The following SLC35F4 variants were observed in gnomAD, a reference collection of about 807,000 sequenced individuals.
The protein encoded by SLC35F4 is solute carrier family 35 member F4, also known as chromosome 14 open reading frame 36.
In SLC35F4, 24 loss-of-function variants were observed where a neutral mutation model predicts 44.2. The ratio of observed to expected loss-of-function variants is 0.54; its 90% CI spans 0.39 to 0.76. SLC35F4 has a LOEUF of 0.76. Among genes scored for constraint, SLC35F4 ranks in the 30% least tolerant of loss-of-function variants. The pLI is 0.00. For missense variants in SLC35F4, 562 were observed against 586.1 expected (o/e 0.96, Z 0.42); for synonymous variants, 238 against 223.6 (o/e 1.06, Z -0.57).
chr14:57,937,605 GAAAAGA>G (rs1566505663), intron 1 of SLC35F4, among the ~76,000 whole-genome samples: 97 of 54,174 alleles, frequency 1.8e-3, no homozygotes, highest in Admixed American at 3.2e-3. Flanking sequence ...GAAAAGAAAA[GAAAAGA>G]AAAGAAAAGA....
intron 1 of SLC35F4, among the ~76,000 whole-genome samples, chr14:57,841,125 C>T (rs1200914569): frequency 6.6e-6 from 1 of 152,122 alleles, no homozygotes; most frequent in East Asian, 1.9e-4. Flanking sequence ...TATCAATTAT[C>T]AGCAACATGT....
intron 1 of SLC35F4, among the ~76,000 whole-genome samples, chr14:57,809,680 A>C (rs556522269): frequency 6.6e-6 from 1 of 152,356 alleles, no homozygotes; most frequent in African/African-American, 2.4e-5. Context: ...TTGATATTTA[A>C]AAATTGTTCA....
At chr14:57,780,433 GGAGAT>G (rs1410057350) in intron 1 of SLC35F4, among the ~76,000 whole-genome samples, 1 of 151,590 alleles carries the variant, frequency 6.6e-6, no homozygotes, top group Non-Finnish European at 1.5e-5. Flanking sequence ...AAAAAAAATC[GGAGAT>G]GACACAAACA....
chr14:57,721,869 C>T (rs1049166610), intron 1 of SLC35F4, among the ~76,000 whole-genome samples: 12 of 152,172 alleles, frequency 7.9e-5, no homozygotes, highest in African/African-American at 2.7e-4. Flanking sequence ...AACCCTGTGT[C>T]TCCTGAGGCA....
chr14:57,629,826 G>A, intron 1 of SLC35F4: 1 of 335,612 alleles, frequency 3.0e-6, no homozygotes. Context: ...AGAAGTGGGA[G>A]TGGAGGATCG....
chr14:57,579,700 T>C (rs1434414551), intron 4 of SLC35F4, among the ~76,000 whole-genome samples: 1 of 152,180 alleles, frequency 6.6e-6, no homozygotes, highest in African/African-American at 2.4e-5. Context: ...TATCCTCAAA[T>C]ATCAATCGAA....
intron 1 of SLC35F4, among the ~76,000 whole-genome samples, chr14:57,919,660 A>G (rs1889400392): frequency 6.6e-6 from 1 of 152,006 alleles, no homozygotes; most frequent in South Asian, 2.1e-4. Flanking sequence ...GGGGTGGGGG[A>G]GCGTGGACAG....
intron 1 of SLC35F4, among the ~76,000 whole-genome samples, chr14:57,816,363 C>A (rs1882591824): frequency 6.6e-6 from 1 of 152,096 alleles, no homozygotes; most frequent in South Asian, 2.1e-4. Flanking sequence ...CAGGATCCAC[C>A]CCCACTCTTT....
intron 5 of SLC35F4, among the ~76,000 whole-genome samples, chr14:57,570,554 G>A (rs1225952369): frequency 6.6e-6 from 1 of 152,168 alleles, no homozygotes; most frequent in South Asian, 2.1e-4. Flanking sequence ...GAGGAAGATG[G>A]CAAGGAGAAG....
At chr14:57,887,802 C>T (rs1238666398) in intron 1 of SLC35F4, among the ~76,000 whole-genome samples, 2 of 152,218 alleles carry the variant, frequency 1.3e-5, no homozygotes, top group African/African-American at 4.8e-5. Context: ...GGAGCCTCAA[C>T]AGCGATACAA....
chr14:57,686,193 A>T (rs1316938823), intron 1 of SLC35F4, among the ~76,000 whole-genome samples: 3 of 152,198 alleles, frequency 2.0e-5, no homozygotes, highest in Non-Finnish European at 2.9e-5. Flanking sequence ...TTACTGGGTC[A>T]TTATTTCAAT....
intron 1 of SLC35F4, among the ~76,000 whole-genome samples, chr14:57,914,124 T>C (rs1285790015): frequency 6.6e-6 from 1 of 152,138 alleles, no homozygotes; most frequent in Non-Finnish European, 1.5e-5. Flanking sequence ...AGTGGGTAAC[T>C]TAAGGAAAAA....
At chr14:57,769,716 G>A (rs1463883711) in intron 1 of SLC35F4, among the ~76,000 whole-genome samples, 1 of 152,188 alleles carries the variant, frequency 6.6e-6, no homozygotes, top group Non-Finnish European at 1.5e-5. Context: ...CCTATGGAAA[G>A]TATGGAAAAG....
intron 1 of SLC35F4, among the ~76,000 whole-genome samples, chr14:57,839,962 C>G (rs1021142425): frequency 6.6e-6 from 1 of 152,180 alleles, no homozygotes; most frequent in Non-Finnish European, 1.5e-5. Context: ...ACACTTCATT[C>G]TAGTCTTCTA....
intron 1 of SLC35F4, among the ~76,000 whole-genome samples, chr14:57,978,687 A>T (rs2141099642): frequency 6.6e-6 from 1 of 152,330 alleles, no homozygotes; most frequent in African/African-American, 2.4e-5. Flanking sequence ...AGGTGGAAGT[A>T]GTTTTGGTCT....
upstream of SLC35F4, among the ~76,000 whole-genome samples, chr14:57,868,722 C>T (rs1174119101): frequency 6.6e-6 from 1 of 152,062 alleles, no homozygotes; most frequent in Non-Finnish European, 1.5e-5. Context: ...AGGTGATTCA[C>T]CAAAGTGCTG....
chr14:57,845,227 G>C (rs1446637222), intron 1 of SLC35F4, among the ~76,000 whole-genome samples: 1 of 152,184 alleles, frequency 6.6e-6, no homozygotes, highest in Non-Finnish European at 1.5e-5. Flanking sequence ...CTCTCTAGTG[G>C]AGTATGGATT....
At chr14:57,692,945 C>T (rs923083741) in intron 1 of SLC35F4, among the ~76,000 whole-genome samples, 2 of 152,162 alleles carry the variant, frequency 1.3e-5, no homozygotes, top group African/African-American at 4.8e-5. Context: ...AAGTATCCAT[C>T]ACCTACACAA....
In SLC35F4 at chr14:57,822,199, T is replaced by C. The variant is rs541303233; in HGVS notation, c.103+43524A>G. The stretch of plus-strand genomic sequence containing the variant: ...CTTTGTCTTGGAGCACATTGCATTG[T>C]CTGATTTGTGTAGTTACCTGACTAG... On this transcript the variant is annotated intron_variant, in intron 1 of 7. Coordinates refer to ENST00000556826, the MANE Select transcript of SLC35F4 (RefSeq NM_001306087.2). Among the ~76,000 whole-genome samples the C allele has an allele frequency of 7.2e-3, 1,099 of 152,330 alleles. 11 individuals are homozygous for C. Among genetic ancestry groups the C allele is most frequent in the Non-Finnish European group, 0.012 (849 of 68,026 alleles).
Sources: gnomAD v4.1 joint callset for allele counts (sites outside exome capture counted in the v4.1 genomes callset) on GRCh38, gnomAD v4.1.1 for gene constraint, MANE v1.5 for transcripts, NCBI Gene and HGNC (gene_info 2026-07-23, HGNC 2026-07-21) for gene names.